Variants in PRKG1 observed in about 807,000 individuals in gnomAD.
The protein encoded by PRKG1 is protein kinase cGMP-dependent 1.
PRKG1 carries 35 observed loss-of-function variants against 88.1 expected under a neutral mutation model. The ratio of observed to expected loss-of-function variants is 0.40; its 90% CI spans 0.30 to 0.53. The LOEUF is 0.53. PRKG1 is among the 20% of genes least tolerant of loss of function. PRKG1 has a pLI of 0.59. For missense variants in PRKG1, 540 were observed against 839.8 expected, an observed-to-expected ratio of 0.64 and a Z score of 4.41; for synonymous variants, 303 against 292.5, an observed-to-expected ratio of 1.04 and a Z score of -0.37.
chr10:51,699,982 A>C (rs1193212621), intron 3 of PRKG1, among the ~76,000 whole-genome samples: 2 of 152,256 alleles, frequency 1.3e-5, no homozygotes, highest in Non-Finnish European at 2.9e-5. Context: ...AAGCGGATTT[A>C]AGGCGGCGTG....
At chr10:52,133,669 G>A (rs905117701) in intron 7 of PRKG1, among the ~76,000 whole-genome samples, 171 bp from the exon 8 acceptor site, 3 of 152,014 alleles carry the variant, frequency 2.0e-5, no homozygotes, top group Non-Finnish European at 4.4e-5. Flanking sequence ...TAATGACAAG[G>A]GTAAGATGAT....
chr10:52,031,884 G>C (rs1168991143), intron 5 of PRKG1, among the ~76,000 whole-genome samples: 1 of 152,136 alleles, frequency 6.6e-6, no homozygotes, highest in Non-Finnish European at 1.5e-5. Context: ...AGAAATGGTA[G>C]TCAAAGAACA....
chr10:51,724,679 C>T (rs1040267883), intron 3 of PRKG1, among the ~76,000 whole-genome samples: 29 of 151,926 alleles, frequency 1.9e-4, no homozygotes, highest in Non-Finnish European at 2.6e-4. Flanking sequence ...CAAGAGCCAC[C>T]GTGCCTGGCT....
intron 7 of PRKG1, among the ~76,000 whole-genome samples, chr10:52,064,251 G>A (rs1846304462): frequency 6.6e-6 from 1 of 152,310 alleles, no homozygotes; most frequent in South Asian, 2.1e-4. Flanking sequence ...CCAGAGGGGG[G>A]TGAGTTGTCA....
intron 2 of PRKG1, among the ~76,000 whole-genome samples, chr10:51,262,111 C>A (rs866571720): frequency 7.9e-5 from 12 of 151,910 alleles, no homozygotes; most frequent in Non-Finnish European, 1.5e-5. Flanking sequence ...TGGTCTCGAT[C>A]TCCTGACCTC....
rs201720423 is a variant in PRKG1 at position 52,288,965 on chromosome 10, A to T, written c.1867A>T (p.Asn623Tyr). 8.9e-5 allele frequency: 143 copies of T among 1,609,676 alleles called. No individual in the cohort carries two copies. Among genetic ancestry groups the T allele is most frequent in the Non-Finnish European group, 1.2e-4 (140 of 1,177,286 alleles). The change falls in exon 16 of 18, where the codon AAT becomes TAT. Residue 623 changes from asparagine to tyrosine, a missense_variant. Around this residue, in one of 5 missense-constraint regions of PRKG1, gnomAD observed 97 missense variants for 210.6 expected, o/e 0.46. Coordinates refer to ENST00000373980, the MANE Select transcript of PRKG1 (RefSeq NM_006258.4). ...ATCAGAAAGATTAGGGAATTTGAAA[A>T]ATGGAGTAAAAGACATTCAAAAGCA... The part of the protein sequence containing the change: ...NPSERLGNLK[N>Y]GVKDIQKHKW...
chr10:51,401,243 A>G (rs1311480281), intron 2 of PRKG1, among the ~76,000 whole-genome samples: 2 of 152,234 alleles, frequency 1.3e-5, no homozygotes, highest in Non-Finnish European at 2.9e-5. Context: ...AAATCTGTCT[A>G]TATTTTACAT....
At chr10:51,661,733 A>G (rs1190024027) in intron 3 of PRKG1, among the ~76,000 whole-genome samples, 1 of 152,224 alleles carries the variant, frequency 6.6e-6, no homozygotes, top group Non-Finnish European at 1.5e-5. Flanking sequence ...TACTGGGTAT[A>G]TACCCAAAGG....
Position 52,039,980 on chromosome 10 carries a change from C to CA in PRKG1, c.763-14498dup, listed in dbSNP as rs368595177. On this transcript the variant is annotated intron_variant, in intron 5 of 17. Coordinates refer to ENST00000373980, the MANE Select transcript of PRKG1 (RefSeq NM_006258.4). ...ACTCTCAGACAAGCCTAGACAGAAA[C>CA]AAAAAATCCTTACCATAAGAACCAC... 2.2e-3 allele frequency among the ~76,000 whole-genome samples: 332 copies of CA among 152,206 alleles called. 2 individuals are homozygous for CA. Among genetic ancestry groups the CA allele is most frequent in the African/African-American group, 7.7e-3 (318 of 41,524 alleles).
intron 1 of PRKG1, among the ~76,000 whole-genome samples, chr10:51,129,979 C>T (rs1317831383): frequency 6.6e-6 from 1 of 152,076 alleles, no homozygotes; most frequent in Non-Finnish European, 1.5e-5. Flanking sequence ...TGGGTGCAAA[C>T]AGGGAAGATT....
intron 1 of PRKG1, among the ~76,000 whole-genome samples, chr10:51,004,203 C>G (rs1842918417): frequency 6.6e-6 from 1 of 152,086 alleles, no homozygotes; most frequent in Non-Finnish European, 1.5e-5. Flanking sequence ...GTGGCTCATG[C>G]CTATAATACC....
In PRKG1 at chr10:52,006,817, A is replaced by G. The variant is rs191064165; in HGVS notation, c.763-47667A>G. Among the ~76,000 whole-genome samples, 1,205 of 152,302 alleles carry G rather than the reference A, an allele frequency of 7.9e-3. 20 individuals are homozygous for G. Among genetic ancestry groups the G allele is most frequent in the African/African-American group, 0.027 (1,126 of 41,558 alleles). On this transcript the variant is annotated intron_variant, in intron 5 of 17. Transcript: ENST00000373980. Reference sequence around the variant, plus strand: ...CATAAGGAGATCATTCCTAAGTGACATAATGATTACATTCTCTAAGGTCAA... The same window carrying G: ...CATAAGGAGATCATTCCTAAGTGACGTAATGATTACATTCTCTAAGGTCAA...
intron 3 of PRKG1, among the ~76,000 whole-genome samples, chr10:51,551,668 T>A (rs767314632): frequency 7.9e-5 from 12 of 151,796 alleles, no homozygotes; most frequent in Non-Finnish European, 1.8e-4. Context: ...CATTGATACA[T>A]GTGAGCTATC....
Position 51,008,429 on chromosome 10 carries a change from G to A in PRKG1, c.266+16785G>A, listed in dbSNP as rs958414087. Among the ~76,000 whole-genome samples, 14 of 152,156 alleles carry A rather than the reference G, an allele frequency of 9.2e-5. 1 individual carries two copies. The highest frequency in any genetic ancestry group is 5.9e-5 in the Non-Finnish European group (4 of 68,018). On this transcript the variant is annotated intron_variant, in intron 1 of 17. Coordinates refer to the PRKG1 transcript ENST00000401604. ...TGTAGACTAGAAGTTCGAATTCAAGGTGTCAGCAGAGCCATGCTCTTTCTG... is the reference window on the plus strand; with the variant it reads ...TGTAGACTAGAAGTTCGAATTCAAGATGTCAGCAGAGCCATGCTCTTTCTG...
intron 7 of PRKG1, among the ~76,000 whole-genome samples, chr10:52,068,102 C>G (rs1376627525): frequency 1.5e-5 from 2 of 133,428 alleles, no homozygotes; most frequent in Non-Finnish European, 3.3e-5. Context: ...ACACGGGAGG[C>G]TGAGGCAGGA....
chr10:51,786,361 A>C (rs1377409633), intron 3 of PRKG1, among the ~76,000 whole-genome samples: 1 of 151,830 alleles, frequency 6.6e-6, no homozygotes, highest in African/African-American at 2.4e-5. Context: ...GGGACTCAAT[A>C]AAAGGAAATA....
chr10:52,203,699 A>G (rs908305033), intron 9 of PRKG1, among the ~76,000 whole-genome samples: 4 of 152,228 alleles, frequency 2.6e-5, no homozygotes, highest in Admixed American at 6.5e-5. Flanking sequence ...CTGCTCATGC[A>G]TTGGATGCAT....
intron 2 of PRKG1, among the ~76,000 whole-genome samples, chr10:51,436,923 G>A (rs1838948745): frequency 6.6e-6 from 1 of 152,108 alleles, no homozygotes; most frequent in East Asian, 1.9e-4. Flanking sequence ...CTTGCCAGAG[G>A]TTGCCCCAGT....
At chr10:51,630,412 C>A (rs1657388699) in intron 3 of PRKG1, among the ~76,000 whole-genome samples, 1 of 152,136 alleles carries the variant, frequency 6.6e-6, no homozygotes, top group Non-Finnish European at 1.5e-5. Context: ...CCTCTTTGAC[C>A]TGGGTAGCAA....
Sources: gnomAD v4.1 joint callset for allele counts (sites outside exome capture counted in the v4.1 genomes callset) on GRCh38, gnomAD v4.1.1 for gene constraint, gnomAD v4.1.1 regional missense constraint, MANE v1.5 for transcripts, NCBI Gene and HGNC (gene_info 2026-07-23, HGNC 2026-07-21) for gene names.